The following ARRB1 variants were observed in gnomAD, a reference collection of about 807,000 sequenced individuals.
ARRB1 encodes arrestin beta 1, also known as beta-arrestin-1.
Under a neutral mutation model 56.8 loss-of-function variants are expected in ARRB1, and 21 were observed. The ratio of observed to expected loss-of-function variants is 0.37; its 90% CI spans 0.26 to 0.53. ARRB1 has a LOEUF of 0.53. ARRB1 is among the 20% of genes least tolerant of loss of function. The pLI, the probability that ARRB1 is intolerant of heterozygous loss-of-function variation, is 0.88. For missense variants in ARRB1, 424 were observed against 553.7 expected (o/e 0.77, Z 2.35); for synonymous variants, 210 against 218.6 (o/e 0.96, Z 0.35).
At chr11:75,277,882 G>T (rs1946235218) in intron 8 of ARRB1, among the ~76,000 whole-genome samples, 1 of 152,262 alleles carries the variant, frequency 6.6e-6, no homozygotes, top group African/African-American at 2.4e-5. Context: ...AAAGCAGTGT[G>T]ACCGTGGGTA....
At chr11:75,315,367 AC>A (rs1262046304) in intron 1 of ARRB1, among the ~76,000 whole-genome samples, 1 of 151,416 alleles carries the variant, frequency 6.6e-6, no homozygotes, top group Non-Finnish European at 1.5e-5. Context: ...TGCCGCAGTG[AC>A]CCCCCTCAGT....
intron 1 of ARRB1, among the ~76,000 whole-genome samples, chr11:75,340,340 T>C (rs1947675693): frequency 6.6e-6 from 1 of 152,252 alleles, no homozygotes. Context: ...CTCACCATTC[T>C]ACACAGTGTG....
At chr11:75,338,636 A>T (rs1416658914) in intron 1 of ARRB1, among the ~76,000 whole-genome samples, 2 of 152,242 alleles carry the variant, frequency 1.3e-5, no homozygotes, top group South Asian at 2.1e-4. Context: ...CAAATGGTGA[A>T]CATCAGAGGT....
chr11:75,304,415 T>C (rs1211212483), intron 1 of ARRB1, among the ~76,000 whole-genome samples: 2 of 151,846 alleles, frequency 1.3e-5, no homozygotes, highest in Non-Finnish European at 2.9e-5. Flanking sequence ...TGCCAGCTTT[T>C]TCCAGGGAAA....
At chr11:75,284,117 G>A in intron 4 of ARRB1, 118 bp downstream of exon 4, 3 of 1,053,532 alleles carry the variant, frequency 2.8e-6, no homozygotes, top group Non-Finnish European at 2.7e-6. Context: ...CATCTGTAGA[G>A]GTATTTGTTG....
chr11:75,346,251 C>G (rs1310872777), intron 1 of ARRB1, among the ~76,000 whole-genome samples: 1 of 152,178 alleles, frequency 6.6e-6, no homozygotes, highest in Non-Finnish European at 1.5e-5. Flanking sequence ...CCAAGTCCCC[C>G]ACCTGAGTCA....
chr11:75,344,017 G>A (rs1453701726), intron 1 of ARRB1, among the ~76,000 whole-genome samples: 1 of 152,032 alleles, frequency 6.6e-6, no homozygotes, highest in Non-Finnish European at 1.5e-5. Context: ...AGGTTTCACC[G>A]TGTTAGCCAG....
At position 75,261,246 on chromosome 11, in the gene ARRB1, G is replaced by A. The variant is rs1945784624; in HGVS notation, c.*4917C>T. 1 of 151,866 alleles carries A rather than the reference G, an allele frequency of 6.6e-6. No homozygotes were observed. The highest frequency in any genetic ancestry group is 6.6e-5 in the Admixed American group (1 of 15,214). The allele number at this position is 151,866 out of a possible 1,614,324, so 9.4% of individuals were successfully genotyped here. ...TATAAATGCTTGTGCCTGGGTCTGT[G>A]ACCCAAGTTCCAACACAAAGACACT... On this transcript the variant is annotated 3_prime_UTR_variant, in exon 16 of 16. Transcript: ENST00000420843.
chr11:75,273,862 T>G (rs1946131302), intron 11 of ARRB1, among the ~76,000 whole-genome samples: 1 of 152,184 alleles, frequency 6.6e-6, no homozygotes, highest in Non-Finnish European at 1.5e-5. Context: ...TGAGCTGGCC[T>G]AGTGGTCCAT....
At chr11:75,286,078 G>A (rs950251315) in intron 3 of ARRB1, among the ~76,000 whole-genome samples, 2 of 152,026 alleles carry the variant, frequency 1.3e-5, no homozygotes, top group African/African-American at 2.4e-5. Context: ...TCTGCTGACA[G>A]CCCCCTGGCC....
chr11:75,313,829 G>A (rs1260022191), intron 1 of ARRB1, among the ~76,000 whole-genome samples: 4 of 152,216 alleles, frequency 2.6e-5, no homozygotes, highest in African/African-American at 2.4e-5. Context: ...AGTGGAGTCT[G>A]GGTATTCATA....
intron 3 of ARRB1, among the ~76,000 whole-genome samples, chr11:75,284,521 G>A (rs889945905): frequency 6.6e-6 from 1 of 152,188 alleles, no homozygotes; most frequent in African/African-American, 2.4e-5. Flanking sequence ...GACCATTTCT[G>A]TTTCTTCATC....
chr11:75,350,293 C>T (rs191017572), intron 1 of ARRB1, among the ~76,000 whole-genome samples: 73 of 152,188 alleles, frequency 4.8e-4, no homozygotes, highest in East Asian at 4.2e-3. Context: ...GTGGGCCTTG[C>T]GCATCTTTGA....
chr11:75,334,956 T>TA lies in ARRB1; in HGVS notation c.20+16631dup, dbSNP rs200212797. On this transcript the variant is annotated intron_variant, in intron 1 of 15. Transcript: ENST00000420843. ...TTTTTTTTTGTTTGTTTGTTTGTTT[T>TA]AAAAAAAAAAGAGTACAAAAATAAT... The TA allele has an allele frequency of 8.8e-3, 1,423 of 161,788 alleles. 15 individuals are homozygous for TA. The highest frequency in any genetic ancestry group is 5.5e-3 in the Non-Finnish European group (372 of 67,194). The allele number at this position is 161,788 out of a possible 1,614,324, so 10.0% of individuals were successfully genotyped here.
At chr11:75,287,004 T>A (rs952655625) in intron 3 of ARRB1, among the ~76,000 whole-genome samples, 1 of 152,166 alleles carries the variant, frequency 6.6e-6, no homozygotes, top group African/African-American at 2.4e-5. Flanking sequence ...ATAGTCATCA[T>A]AGCCACCCCC....
chr11:75,344,989 C>T (rs1001692930), intron 1 of ARRB1, among the ~76,000 whole-genome samples: 2 of 152,174 alleles, frequency 1.3e-5, no homozygotes, highest in African/African-American at 2.4e-5. Context: ...CCCGCTGACT[C>T]GACATCAGTC....
At chr11:75,321,806 C>G (rs1947353093) in intron 1 of ARRB1, among the ~76,000 whole-genome samples, 2 of 152,168 alleles carry the variant, frequency 1.3e-5, no homozygotes, top group South Asian at 4.1e-4. Flanking sequence ...TTATTGAGCA[C>G]CTATTGTGTG....
chr11:75,339,678 T>C (rs1295752430), intron 1 of ARRB1, among the ~76,000 whole-genome samples: 1 of 152,208 alleles, frequency 6.6e-6, no homozygotes. Context: ...AGATGCCCAC[T>C]ACCCCTCTTC....
At chr11:75,348,514 T>C (rs1565150749) in intron 1 of ARRB1, among the ~76,000 whole-genome samples, 2 of 152,092 alleles carry the variant, frequency 1.3e-5, no homozygotes, top group African/African-American at 4.8e-5. Flanking sequence ...TCATCAACAT[T>C]TGTTGAATGA....
Sources: allele counts gnomAD v4.1 joint callset (sites outside exome capture counted in the v4.1 genomes callset), GRCh38; gene constraint gnomAD v4.1.1; transcripts MANE v1.5; gene names NCBI Gene and HGNC (gene_info 2026-07-23, HGNC 2026-07-21).